Variants in TASP1 observed in about 807,000 individuals in gnomAD.
The protein encoded by TASP1 is taspase 1, also known as threonine aspartase 1.
In TASP1, 16 loss-of-function variants were observed where a neutral mutation model predicts 56.6. The observed-to-expected ratio is 0.28, with a 90% CI of 0.19 to 0.43. TASP1 has a LOEUF of 0.43. Among genes scored for constraint, TASP1 ranks in the 20% least tolerant of loss-of-function variants. The pLI is 1.00. For synonymous variants in TASP1, 179 were observed against 184.2 expected (o/e 0.97, Z 0.23); for missense variants, 393 against 511.6 (o/e 0.77, Z 2.24).
chr20:13,513,387 T>C lies in TASP1; in HGVS notation c.874+15046A>G, dbSNP rs747312350. Reference sequence around the variant, plus strand: ...GGGAGTAAATCTTTGAAGTTGGGCATGGGAAGAAACAAAAGAGGGAGGGAG... The same window carrying C: ...GGGAGTAAATCTTTGAAGTTGGGCACGGGAAGAAACAAAAGAGGGAGGGAG... On this transcript the variant is annotated intron_variant, in intron 10 of 13. Transcript: ENST00000337743. 1.2e-3 allele frequency among the ~76,000 whole-genome samples: 164 copies of C among 141,684 alleles called. 1 individual carries two copies. The highest frequency in any genetic ancestry group is 2.1e-3 in the Non-Finnish European group (139 of 65,288). 93.0% of individuals were successfully genotyped at this position (141,684 alleles called of 152,430 possible).
chr20:13,526,839 A>G (rs1395102937), intron 10 of TASP1, among the ~76,000 whole-genome samples: 3 of 152,168 alleles, frequency 2.0e-5, no homozygotes, highest in African/African-American at 7.2e-5. Flanking sequence ...GAGCAATGAA[A>G]GAGATAGAGG....
the TASP1 span, among the ~76,000 whole-genome samples, chr20:13,382,400 AC>A: frequency 6.6e-6 from 1 of 152,166 alleles, no homozygotes; most frequent in Admixed American, 6.5e-5. Flanking sequence ...TAATCCTAGC[AC>A]TTTGGGAGGC....
At chr20:13,162,881 C>T in the TASP1 span, among the ~76,000 whole-genome samples, 2 of 152,102 alleles carry the variant, frequency 1.3e-5, no homozygotes, top group East Asian at 1.9e-4. Context: ...AAGATGCCCA[C>T]GGTTCTTCTG....
intron 10 of TASP1, among the ~76,000 whole-genome samples, chr20:13,523,903 C>T (rs781464703): frequency 4.3e-4 from 65 of 152,244 alleles, no homozygotes; most frequent in Non-Finnish European, 3.5e-4. Context: ...GTTTCCAGCA[C>T]TTTTTGAGGC....
chr20:13,544,784 A>G (rs1298340983), intron 8 of TASP1, among the ~76,000 whole-genome samples: 1 of 152,168 alleles, frequency 6.6e-6, no homozygotes, highest in Non-Finnish European at 1.5e-5. Flanking sequence ...TCTTCTCTGG[A>G]TAAAATTACA....
intron 8 of TASP1, among the ~76,000 whole-genome samples, chr20:13,550,136 A>C (rs1012543051): frequency 7.1e-6 from 1 of 140,074 alleles, no homozygotes; most frequent in African/African-American, 2.7e-5. Flanking sequence ...TAAATATGGA[A>C]TATATACACA....
the TASP1 span, among the ~76,000 whole-genome samples, chr20:13,119,146 A>G: frequency 1.3e-5 from 2 of 152,236 alleles, no homozygotes; most frequent in Non-Finnish European, 2.9e-5. Context: ...TCCTGGCTAC[A>G]TTGCTCTGTG....
intron 11 of TASP1, among the ~76,000 whole-genome samples, chr20:13,476,499 C>T (rs1351416334): frequency 1.3e-5 from 2 of 152,132 alleles, no homozygotes; most frequent in Non-Finnish European, 2.9e-5. Flanking sequence ...AATGCAAGTT[C>T]CTATATTTCC....
the TASP1 span, among the ~76,000 whole-genome samples, chr20:13,201,754 CTTT>C: frequency 7.2e-6 from 1 of 138,604 alleles, no homozygotes. Context: ...AGATGGTAAA[CTTT>C]TTTTTTTTTT....
chr20:13,467,186 TACACACACAC>T (rs3042647), intron 11 of TASP1, among the ~76,000 whole-genome samples: 38 of 146,876 alleles, frequency 2.6e-4, no homozygotes, highest in African/African-American at 4.3e-4. Flanking sequence ...ACACATACAA[TACACACACAC>T]ACACACACAC....
the TASP1 span, among the ~76,000 whole-genome samples, chr20:13,258,511 A>T: frequency 2.6e-5 from 4 of 152,102 alleles, no homozygotes; most frequent in Non-Finnish European, 5.9e-5. Context: ...CCCTGCTCAG[A>T]CTCAAACTGA....
the TASP1 span, among the ~76,000 whole-genome samples, chr20:13,177,365 A>G: frequency 6.6e-6 from 1 of 152,214 alleles, no homozygotes; most frequent in Admixed American, 6.5e-5. Context: ...AGTCAATGCA[A>G]TCTCTATCAA....
the TASP1 span, among the ~76,000 whole-genome samples, chr20:13,182,647 T>G: frequency 6.6e-6 from 1 of 152,206 alleles, no homozygotes; most frequent in Non-Finnish European, 1.5e-5. Flanking sequence ...AATTTCTTCC[T>G]GATTCTCTCC....
chr20:13,612,663 C>A (rs2048387885), intron 4 of TASP1, among the ~76,000 whole-genome samples: 1 of 152,116 alleles, frequency 6.6e-6, no homozygotes, highest in Non-Finnish European at 1.5e-5. Flanking sequence ...CCAGCCCCCA[C>A]ATAGGGAAAA....
intron 11 of TASP1, among the ~76,000 whole-genome samples, chr20:13,466,564 G>A (rs1341555826): frequency 6.6e-6 from 1 of 151,878 alleles, no homozygotes. Flanking sequence ...AGCCAACACA[G>A]TGAAACCCCG....
chr20:13,160,260 A>C, the TASP1 span: 1 of 1,150,204 alleles, frequency 8.7e-7, no homozygotes, highest in South Asian at 2.6e-5. Flanking sequence ...CACTGACAAA[A>C]GTCACTGCCA....
chr20:13,359,160 G>C, the TASP1 span, among the ~76,000 whole-genome samples: 3 of 107,580 alleles, frequency 2.8e-5, 1 homozygote, highest in African/African-American at 1.5e-4. Context: ...CACATCTCCG[G>C]CACACAAGAA....
At chr20:13,139,533 A>G in the TASP1 span, among the ~76,000 whole-genome samples, 1 of 152,218 alleles carries the variant, frequency 6.6e-6, no homozygotes, top group African/African-American at 2.4e-5. Flanking sequence ...AAGGGGTAAG[A>G]AGCATGAAGG....
intron 13 of TASP1, among the ~76,000 whole-genome samples, chr20:13,395,510 T>C (rs546286473): frequency 1.7e-4 from 26 of 152,334 alleles, no homozygotes; most frequent in African/African-American, 5.8e-4. Context: ...TGGAATACTG[T>C]GTATAGTTTA....
Sources: allele counts gnomAD v4.1 joint callset (sites outside exome capture counted in the v4.1 genomes callset), GRCh38; gene constraint gnomAD v4.1.1; transcripts MANE v1.5; gene names NCBI Gene and HGNC (gene_info 2026-07-23, HGNC 2026-07-21).